The following CXADR variants were observed in gnomAD, a reference collection of about 807,000 sequenced individuals.
The protein encoded by CXADR is CXADR cell adhesion molecule.
Under a neutral mutation model 40.3 loss-of-function variants are expected in CXADR, and 20 were observed. The observed-to-expected ratio is 0.50, with a 90% CI of 0.35 to 0.72. CXADR has a LOEUF of 0.72. Among genes scored for constraint, CXADR ranks in the 30% least tolerant of loss-of-function variants. The pLI, the probability that CXADR is intolerant of heterozygous loss-of-function variation, is 0.01. For missense variants in CXADR, 332 were observed against 449.1 expected (o/e 0.74, Z 2.36); for synonymous variants, 150 against 161.3 (o/e 0.93, Z 0.53).
At chr21:17,536,772 T>C (rs896068912) in intron 1 of CXADR, among the ~76,000 whole-genome samples, 40 of 152,174 alleles carry the variant, frequency 2.6e-4, no homozygotes, top group Admixed American at 9.2e-4. Flanking sequence ...TTTTTTTCTT[T>C]TTGAGACAGT....
At chr21:17,595,558 T>A (rs1402623454), downstream of CXADR, among the ~76,000 whole-genome samples, 2 of 152,036 alleles carry the variant, frequency 1.3e-5, no homozygotes, top group Non-Finnish European at 2.9e-5. Flanking sequence ...TTCATAATAA[T>A]ACATTTCAGA....
chr21:17,534,032 A>AGC (rs1423861979), intron 1 of CXADR, among the ~76,000 whole-genome samples: 63 of 81,396 alleles, frequency 7.7e-4, no homozygotes, highest in African/African-American at 3.1e-3. Flanking sequence ...ATATATAGCT[A>AGC]TATATATATA....
downstream of CXADR, among the ~76,000 whole-genome samples, chr21:17,572,562 C>T (rs1293745741): frequency 2.0e-5 from 3 of 149,836 alleles, no homozygotes; most frequent in Admixed American, 6.7e-5. Context: ...GCCCTTCTTA[C>T]GGATTCCCGC....
At chr21:17,515,164 A>C (rs2060444281) in intron 1 of CXADR, among the ~76,000 whole-genome samples, 1 of 151,958 alleles carries the variant, frequency 6.6e-6, no homozygotes, top group African/African-American at 2.4e-5. Context: ...GAGGCCAGGC[A>C]CGGTGCTTGT....
downstream of CXADR, among the ~76,000 whole-genome samples, chr21:17,595,149 A>T (rs1187002994): frequency 6.6e-6 from 1 of 152,074 alleles, no homozygotes; most frequent in Admixed American, 6.6e-5. Flanking sequence ...TGGGAATAAT[A>T]GTTTTAGATT....
chr21:17,611,149 T>C, the CXADR span, among the ~76,000 whole-genome samples: 1 of 152,310 alleles, frequency 6.6e-6, no homozygotes, highest in East Asian at 1.9e-4. Flanking sequence ...ATTTCCACTT[T>C]GTAAAGCTAC....
rs185846868 is a variant in CXADR, at chr21:17,568,777, G to A, written c.*3085G>A. ...ACTAATATGATTCCCTTGTTAGAGA[G>A]CCTCTCACTCCCCCACCCCCAAAAA... On this transcript the variant is annotated 3_prime_UTR_variant, in exon 7 of 7. Transcript: ENST00000284878. The A allele has an allele frequency of 3.0e-6, 3 of 984,904 alleles. No individual in the cohort carries two copies. The African/African-American group carries it at 5.3e-5, about 17-fold the overall frequency. The allele number at this position is 984,904 out of a possible 1,614,324, so 61.0% of individuals were successfully genotyped here.
intron 1 of CXADR, among the ~76,000 whole-genome samples, chr21:17,533,434 A>T (rs1296910202): frequency 6.6e-6 from 1 of 152,194 alleles, no homozygotes. Flanking sequence ...CAGAAATGAA[A>T]TCTTTATTAC....
chr21:17,519,572 G>C (rs1368616166), intron 1 of CXADR, among the ~76,000 whole-genome samples: 1 of 152,116 alleles, frequency 6.6e-6, no homozygotes, highest in Non-Finnish European at 1.5e-5. Flanking sequence ...GGAACTCCTT[G>C]ACACCTATTT....
chr21:17,548,038 G>T (rs2060920888), intron 2 of CXADR, among the ~76,000 whole-genome samples: 2 of 152,120 alleles, frequency 1.3e-5, no homozygotes, highest in South Asian at 4.1e-4. Context: ...TTGCATATTG[G>T]CTTTGTCTGA....
intron 7 of CXADR, chr21:17,593,128 A>G (rs2061456220): frequency 1.4e-5 from 19 of 1,398,184 alleles, no homozygotes; most frequent in African/African-American, 3.0e-5. Context: ...TCTTATAGAG[A>G]TATCTCTTTT....
intron 3 of CXADR, among the ~76,000 whole-genome samples, chr21:17,552,481 T>G (rs211975): frequency 0.69 from 105,415 of 152,052 alleles, 37,215 homozygotes; most frequent in Non-Finnish European, 0.77. Context: ...TAATAGTTAA[T>G]AGGGAGGTAG....
intron 1 of CXADR, among the ~76,000 whole-genome samples, chr21:17,536,551 C>T (rs2123198286): frequency 6.6e-6 from 1 of 152,216 alleles, no homozygotes; most frequent in African/African-American, 2.4e-5. Context: ...TTGTCCAAGG[C>T]TGGAAGGGAG....
At chr21:17,533,816 A>G (rs1356864109) in intron 1 of CXADR, among the ~76,000 whole-genome samples, 3 of 151,744 alleles carry the variant, frequency 2.0e-5, no homozygotes, top group Non-Finnish European at 4.4e-5. Context: ...GAAAAGTACA[A>G]AGAAGAGCAA....
rs567516686 is a variant in CXADR, at chr21:17,579,873, T to C, written c.1018-13279T>C. Among the ~76,000 whole-genome samples, 9 of 142,502 alleles carry C rather than the reference T, an allele frequency of 6.3e-5. No homozygotes were observed. In the East Asian group the frequency reaches 2.0e-3, roughly 32 times the overall value. 93.5% of individuals were successfully genotyped at this position (142,502 alleles called of 152,430 possible). ...GAAGACATGATTTGTTCCATTCCTG[T>C]TGTATTTTATTAAAAAAAAAAACAA... On this transcript the variant is annotated intron_variant, in intron 7 of 7. Transcript: ENST00000400169.
chr21:17,628,699 C>T, the CXADR span, among the ~76,000 whole-genome samples: 1 of 152,148 alleles, frequency 6.6e-6, no homozygotes, highest in African/African-American at 2.4e-5. Context: ...GATGGTGTTT[C>T]ACCATGTTGG....
chr21:17,558,068 A>G lies in CXADR; in HGVS notation c.416-908A>G, dbSNP rs41511849. On this transcript the variant is annotated intron_variant, in intron 3 of 6. Coordinates refer to ENST00000284878, the MANE Select transcript of CXADR (RefSeq NM_001338.5). The stretch of plus-strand genomic sequence containing the variant: ...AGTTACCCAGAAACACCTGGAATAT[A>G]ACCTCAGATTTCCTTTTTTTTTTTT... 9.2e-3 allele frequency among the ~76,000 whole-genome samples: 1,264 copies of G among 136,682 alleles called. 71 individuals are homozygous for G. In the East Asian group the frequency reaches 0.18, roughly 19 times the overall value. The allele number at this position is 136,682 out of a possible 152,430, so 89.7% of individuals were successfully genotyped here. A position where few individuals can be genotyped will look rare whatever the true frequency, so the allele number is the denominator to read the frequency against.
At chr21:17,518,432 T>C in intron 1 of CXADR, 1 of 659,600 alleles carries the variant, frequency 1.5e-6, no homozygotes, top group East Asian at 2.6e-5. Flanking sequence ...ATTAGTGAAC[T>C]AGTAACAGGT....
the CXADR span, among the ~76,000 whole-genome samples, chr21:17,616,303 C>T: frequency 6.7e-6 from 1 of 150,288 alleles, no homozygotes; most frequent in African/African-American, 2.4e-5. Flanking sequence ...CTTCTCAATT[C>T]ACTTGTCAAG....
Sources: allele counts gnomAD v4.1 joint callset (sites outside exome capture counted in the v4.1 genomes callset), GRCh38; gene constraint gnomAD v4.1.1; transcripts MANE v1.5; gene names NCBI Gene and HGNC (gene_info 2026-07-23, HGNC 2026-07-21).